Variants in ZNF746 observed in about 807,000 individuals in gnomAD.
ZNF746 encodes parkin-interacting substrate.
Under a neutral mutation model 41.0 loss-of-function variants are expected in ZNF746, and 13 were observed. That is an observed-to-expected ratio of 0.32 (90% CI 0.21 to 0.50). The LOEUF (loss-of-function observed/expected upper bound fraction) is 0.50. Among genes scored for constraint, ZNF746 ranks in the 20% least tolerant of loss-of-function variants. The probability of loss-of-function intolerance (pLI) is 0.98; values close to 1 mark genes in which losing one functional copy is unlikely to be tolerated. For synonymous variants in ZNF746, 424 were observed against 396.2 expected (o/e 1.07, Z -0.83); for missense variants, 811 against 922.9 (o/e 0.88, Z 1.57).
Position 149,497,715 on chromosome 7 carries a change from C to T in ZNF746, c.-179G>A. On this transcript the variant is annotated 5_prime_UTR_variant, in exon 1 of 7. An upstream open reading frame in the 5' UTR loses its in-frame stop. Transcript: ENST00000458143. This position sits in a 1 kb window ranked among gnomAD's most constrained non-coding sequence, Gnocchi z 4.2. Reference sequence around the variant, plus strand: ...CCGCCCGCAGTCGCGCCGCCTCCGTCAGCGCCCGGCCGGTCCACACTGCAT... The same window carrying T: ...CCGCCCGCAGTCGCGCCGCCTCCGTTAGCGCCCGGCCGGTCCACACTGCAT... 3.6e-6 allele frequency: 1 copy of T among 274,764 alleles called. No individual in the cohort carries two copies. The highest frequency in any genetic ancestry group is 1.3e-4 in the South Asian group (1 of 7,652). 17.0% of individuals were successfully genotyped at this position (274,764 alleles called of 1,614,324 possible).
intron 3 of ZNF746, 121 bp downstream of exon 3, chr7:149,493,868 T>C: frequency 1.3e-6 from 2 of 1,524,752 alleles, no homozygotes; most frequent in Non-Finnish European, 1.8e-6. Flanking sequence ...GGTAACAACT[T>C]GCAAGGTCAA....
At chr7:149,496,364 G>T (rs1800996835) in intron 1 of ZNF746, among the ~76,000 whole-genome samples, 1 of 152,130 alleles carries the variant, frequency 6.6e-6, no homozygotes, top group African/African-American at 2.4e-5. Context: ...GAATATGTGG[G>T]GCTGTCCTTG....
chr7:149,495,699 ACT>A (rs1800973861), intron 1 of ZNF746, among the ~76,000 whole-genome samples: 1 of 152,254 alleles, frequency 6.6e-6, no homozygotes, highest in African/African-American at 2.4e-5. Context: ...AGAGAAAGTC[ACT>A]GAGAACTAGA....
At chr7:149,482,734 G>C (rs753335562) in intron 4 of ZNF746, among the ~76,000 whole-genome samples, 7 of 152,242 alleles carry the variant, frequency 4.6e-5, no homozygotes, top group Admixed American at 2.6e-4. Flanking sequence ...CAAAGTGTTA[G>C]GATTACAGGC....
At chr7:149,495,977 T>G (rs1426209227) in intron 1 of ZNF746, among the ~76,000 whole-genome samples, 1 of 89,678 alleles carries the variant, frequency 1.1e-5, no homozygotes, top group Non-Finnish European at 2.5e-5. Context: ...GGTTCTGGGC[T>G]TGAGTCCACC....
Position 149,475,419 on chromosome 7 carries a change from A to C in ZNF746, c.948T>G (p.His316Gln). Residue 316 changes from histidine (H) to glutamine (Q), a missense_variant, in exon 7 of 7, where the codon CAT (histidine) becomes CAG (glutamine). His to Gln is a conservative substitution (Grantham distance 24, BLOSUM62 0). Coordinates refer to ENST00000458143, the MANE Select transcript of ZNF746 (RefSeq NM_001394198.1). ...TCCCGTGAGCCTCTAGGTCAGTAGG[A>C]TGTACGGGTGTGGCCACCACCTCCT... ...QEEEVVATPV[H>Q]PTDLEAHGTL... The C allele has an allele frequency of 1.2e-6, 2 of 1,614,086 alleles. No homozygotes were observed. Among genetic ancestry groups the C allele is most frequent in the Non-Finnish European group, 1.7e-6 (2 of 1,179,990 alleles).
chr7:149,492,500 G>A (rs533774638), intron 4 of ZNF746, among the ~76,000 whole-genome samples: 2 of 152,334 alleles, frequency 1.3e-5, no homozygotes, highest in African/African-American at 4.8e-5. Flanking sequence ...GTTATACATA[G>A]ATTTTTGGCT....
In ZNF746 at chr7:149,486,943, C is replaced by T. The variant is rs73727725; in HGVS notation, c.565+5916G>A. On this transcript the variant is annotated intron_variant, in intron 4 of 6. Transcript: ENST00000458143. ...AACAATGTTGTAAAACAGGGGTCCC[C>T]ATGCCCCGGGGAACCTGGACTGCAC... Among the ~76,000 whole-genome samples, 1,335 of 152,282 alleles carry T rather than the reference C, an allele frequency of 8.8e-3. 20 individuals carry two copies. The highest frequency in any genetic ancestry group is 0.03 in the African/African-American group (1,267 of 41,544).
Position 149,473,848 on chromosome 7 carries a change from C to T in ZNF746, c.*536G>A, listed in dbSNP as rs1175286408. 1.2e-5 allele frequency: 2 copies of T among 160,428 alleles called. No homozygotes were observed. The highest frequency in any genetic ancestry group is 2.4e-5 in the African/African-American group (1 of 41,476). 9.9% of individuals were successfully genotyped at this position (160,428 alleles called of 1,614,324 possible). Reference sequence around the variant, plus strand: ...TCCCGGAGGGGTCCTTCCTGCTGCACTGAGGTGTGCTCCAAGGGACCCAAT... The same window carrying T: ...TCCCGGAGGGGTCCTTCCTGCTGCATTGAGGTGTGCTCCAAGGGACCCAAT... On this transcript the variant is annotated 3_prime_UTR_variant, in exon 7 of 7. Transcript: ENST00000458143.
Position 149,477,727 on chromosome 7 carries a change from G to A in ZNF746, c.594C>T (p.Asp198=). ...PGSGPPVPAP[D]LLMQIKQEGE... ...CCTCCTGCTTGATCTGCATCAAGAG[G>A]TCTGGGGCGGGAACTGGGGGCCCCG... The change falls in exon 5 of 7, where the codon GAC becomes GAT. Residue 198 remains aspartate (D), a synonymous_variant. Transcript: ENST00000458143. The A allele has an allele frequency of 2.5e-6, 4 of 1,609,968 alleles. No homozygotes were observed. In the African/African-American group the frequency reaches 4.0e-5, roughly 16 times the overall value.
intron 4 of ZNF746, chr7:149,487,615 T>G (rs1316501762): frequency 2.6e-5 from 4 of 152,112 alleles, no homozygotes; most frequent in African/African-American, 9.7e-5. Context: ...AAACAAACCA[T>G]TAGACATGAG....
intron 4 of ZNF746, chr7:149,488,403 T>G (rs1800688950): frequency 6.6e-6 from 1 of 152,170 alleles, no homozygotes; most frequent in South Asian, 2.1e-4. Context: ...TTTGACTCTT[T>G]CAACAGTGAA....
rs966483292 is a variant in ZNF746, at chr7:149,474,122, CA to C, written c.*261del. ...TTTTTCCTCAAGAATTAAAAAAAAA[CA>C]AAAAACAAAAAACAAAACAGGTTTG... On this transcript the variant is annotated 3_prime_UTR_variant, in exon 7 of 7. Coordinates refer to ENST00000458143, the MANE Select transcript of ZNF746 (RefSeq NM_001394198.1). The surrounding 1 kb of genome is among the most constrained non-coding windows in gnomAD (Gnocchi z 6.3). 8.1e-6 allele frequency: 4 copies of C among 494,812 alleles called. No individual in the cohort carries two copies. The highest frequency in any genetic ancestry group is 1.4e-5 in the Non-Finnish European group (4 of 279,202). The allele number at this position is 494,812 out of a possible 1,614,324, so 30.7% of individuals were successfully genotyped here. A position where few individuals can be genotyped will look rare whatever the true frequency, so the allele number is the denominator to read the frequency against.
At chr7:149,475,912 G>T (rs1468466684) in intron 6 of ZNF746, among the ~76,000 whole-genome samples, 1 of 152,262 alleles carries the variant, frequency 6.6e-6, no homozygotes, top group Non-Finnish European at 1.5e-5. Flanking sequence ...CTTCACAGGT[G>T]TGAGGATTAA....
rs1563247858 is a variant in ZNF746 at position 149,474,983 on chromosome 7, C to T, written c.1384G>A (p.Ala462Thr). 1.3e-6 allele frequency: 2 copies of T among 1,548,012 alleles called. No homozygotes were observed. Among genetic ancestry groups the T allele is most frequent in the East Asian group, 4.9e-5 (2 of 40,980 alleles). ...HKPGLKKHPAAPPGGRPFTCA... is the reference protein window; with the variant it reads ...HKPGLKKHPATPPGGRPFTCA... The stretch of plus-strand genomic sequence containing the variant: ...GTGAAGGGCCGGCCCCCGGGGGGCG[C>T]CGCGGGGTGCTTCTTCAGCCCTGGC... The change falls in exon 7 of 7, where the codon GCG becomes ACG. Residue 462 changes from alanine to threonine, a missense_variant. Around this residue, in one of 4 missense-constraint regions of ZNF746, gnomAD observed 495 missense variants for 481.6 expected, o/e 1.03. Transcript: ENST00000458143. The surrounding 1 kb of genome is among the most constrained non-coding windows in gnomAD (Gnocchi z 6.3).
At chr7:149,484,060 G>A (rs1299653745) in intron 4 of ZNF746, among the ~76,000 whole-genome samples, 2 of 152,076 alleles carry the variant, frequency 1.3e-5, no homozygotes, top group Admixed American at 6.5e-5. Flanking sequence ...AAATTACATC[G>A]GTAGTAAAAA....
intron 4 of ZNF746, among the ~76,000 whole-genome samples, chr7:149,485,659 G>C (rs192597491): frequency 1.3e-5 from 2 of 152,310 alleles, no homozygotes; most frequent in African/African-American, 4.8e-5. Flanking sequence ...AAAATGAAAA[G>C]CATCTGTTCT....
rs147702038 is a variant in ZNF746 at position 149,477,735 on chromosome 7, C to A, written c.586G>T (p.Ala196Ser). Residue 196 changes from alanine to serine, a missense_variant, in exon 5 of 7, where the codon GCC (alanine) becomes TCC (serine). Ala to Ser is a moderately conservative substitution (Grantham distance 99, BLOSUM62 1). Transcript: ENST00000458143. ...TTGATCTGCATCAAGAGGTCTGGGG[C>A]GGGAACTGGGGGCCCCGAGCCTAGG... is the stretch of plus-strand genomic sequence containing the variant. ...PSPGSGPPVP[A>S]PDLLMQIKQE... The A allele has an allele frequency of 6.2e-7, 1 of 1,607,496 alleles. No individual in the cohort carries two copies. The highest frequency in any genetic ancestry group is 8.5e-7 in the Non-Finnish European group (1 of 1,175,412).
rs1455748237 is a variant in ZNF746 at position 149,497,086 on chromosome 7, CGGTGTATG to C, written c.24+419_24+426del. ...GGGAAGCTGGGCACGTAGTGGGAGT[CGGTGTATG>C]CGGATTCGAAGCCGGACACCTCCCA... On this transcript the variant is annotated intron_variant, in intron 1 of 6. Transcript: ENST00000458143. This position sits in a 1 kb window ranked among gnomAD's most constrained non-coding sequence, Gnocchi z 4.2. 1 of 985,206 alleles carries C rather than the reference CGGTGTATG, an allele frequency of 1.0e-6. No homozygotes were observed. The highest frequency in any genetic ancestry group is 1.7e-5 in the African/African-American group (1 of 57,200). 61.0% of individuals were successfully genotyped at this position (985,206 alleles called of 1,614,324 possible).
Sources: allele counts gnomAD v4.1 joint callset (sites outside exome capture counted in the v4.1 genomes callset), GRCh38; gene constraint gnomAD v4.1.1; regional missense constraint gnomAD v4.1.1; non-coding constraint Gnocchi (gnomAD v3.1); transcripts MANE v1.5; gene names NCBI Gene and HGNC (gene_info 2026-07-23, HGNC 2026-07-21).